ULK4: variants seen among roughly 807,000 people sequenced by gnomAD.
ULK4 encodes the protein inactive serine/threonine-protein kinase ULK4.
ULK4 carries 133 observed loss-of-function variants against 160.6 expected under a neutral mutation model. That is an observed-to-expected ratio of 0.83 (90% CI 0.72 to 0.96). The LOEUF is 0.96. Among genes scored for constraint, ULK4 ranks in the 40% least tolerant of loss-of-function variants. ULK4 has a pLI of 0.00. For missense variants in ULK4, 1,580 were observed against 1,499.5 expected (o/e 1.05, Z -0.89); for synonymous variants, 534 against 539.8 (o/e 0.99, Z 0.15).
At chr3:41,859,854 G>C (rs58425244) in intron 17 of ULK4, among the ~76,000 whole-genome samples, 1 of 100,012 alleles carries the variant, frequency 1.0e-5, no homozygotes, top group South Asian at 3.3e-4. Context: ...TTTTTTAGTA[G>C]AAACAGGGTT....
At chr3:41,678,903 T>C (rs930350292) in intron 29 of ULK4, among the ~76,000 whole-genome samples, 7 of 152,236 alleles carry the variant, frequency 4.6e-5, no homozygotes, top group African/African-American at 1.7e-4. Flanking sequence ...ATTATATTTA[T>C]ATACTCAATG....
chr3:41,449,214 G>A (rs1330120484), intron 34 of ULK4, among the ~76,000 whole-genome samples: 1 of 149,842 alleles, frequency 6.7e-6, no homozygotes, highest in East Asian at 2.1e-4. Flanking sequence ...CACCATGCCC[G>A]GCCCCAAGTT....
At chr3:41,566,453 C>T in intron 31 of ULK4, among the ~76,000 whole-genome samples, 1 of 152,154 alleles carries the variant, frequency 6.6e-6, no homozygotes. Flanking sequence ...GAAGATCATG[C>T]TTGAAGATGA....
chr3:41,491,891 C>A (rs2125907588), intron 32 of ULK4, among the ~76,000 whole-genome samples: 1 of 150,680 alleles, frequency 6.6e-6, no homozygotes, highest in East Asian at 2.0e-4. Context: ...CTCCCCCCAC[C>A]CCACAACAGT....
At chr3:41,674,008 A>G (rs1272166440) in intron 29 of ULK4, among the ~76,000 whole-genome samples, 3 of 152,172 alleles carry the variant, frequency 2.0e-5, no homozygotes, top group Non-Finnish European at 4.4e-5. Context: ...CACTTAATAT[A>G]TATTTATGGA....
chr3:41,277,486 TAAAAAC>T (rs1389538390), intron 35 of ULK4, among the ~76,000 whole-genome samples: 1 of 151,948 alleles, frequency 6.6e-6, no homozygotes, highest in Non-Finnish European at 1.5e-5. Flanking sequence ...ATAACAGAAT[TAAAAAC>T]AAAAATCACA....
intron 20 of ULK4, among the ~76,000 whole-genome samples, chr3:41,799,141 C>T (rs1335466168): frequency 6.6e-6 from 1 of 151,984 alleles, no homozygotes; most frequent in African/African-American, 2.4e-5. Flanking sequence ...GAAACTGCCA[C>T]AGAGAGAAGT....
intron 1 of ULK4, among the ~76,000 whole-genome samples, chr3:41,959,044 A>G (rs1483160807): frequency 6.6e-6 from 1 of 152,060 alleles, no homozygotes; most frequent in Non-Finnish European, 1.5e-5. Flanking sequence ...CCTGGCCAAC[A>G]TGGCGAAACC....
At chr3:41,454,989 A>G (rs2125871132) in intron 34 of ULK4, among the ~76,000 whole-genome samples, 1 of 152,258 alleles carries the variant, frequency 6.6e-6, no homozygotes, top group African/African-American at 2.4e-5. Flanking sequence ...TAATACGTCC[A>G]AACTCTGAAT....
intron 35 of ULK4, among the ~76,000 whole-genome samples, chr3:41,379,378 A>T (rs2081596174): frequency 6.6e-6 from 1 of 152,178 alleles, no homozygotes; most frequent in Non-Finnish European, 1.5e-5. Flanking sequence ...TGCTTCAGGG[A>T]GGGTCATGAT....
chr3:41,417,343 A>T (rs905800566), intron 34 of ULK4, among the ~76,000 whole-genome samples: 2 of 152,186 alleles, frequency 1.3e-5, no homozygotes, highest in African/African-American at 4.8e-5. Context: ...AGGAAGGGGA[A>T]TATGTCTAGA....
At chr3:41,774,412 G>GTAT (rs1187854682) in intron 21 of ULK4, among the ~76,000 whole-genome samples, 1 of 150,670 alleles carries the variant, frequency 6.6e-6, no homozygotes, top group Non-Finnish European at 1.5e-5. Flanking sequence ...AGTGGGCAAA[G>GTAT]GATATGAACA....
intron 17 of ULK4, among the ~76,000 whole-genome samples, chr3:41,847,330 C>T (rs935080614): frequency 6.6e-6 from 1 of 152,168 alleles, no homozygotes; most frequent in African/African-American, 2.4e-5. Context: ...TTTGCTTGCT[C>T]TTGACTCTCA....
At chr3:41,357,376 T>C (rs2081049582) in intron 35 of ULK4, among the ~76,000 whole-genome samples, 1 of 152,134 alleles carries the variant, frequency 6.6e-6, no homozygotes, top group Non-Finnish European at 1.5e-5. Flanking sequence ...TCGATCCAAC[T>C]GTGAGGATGT....
chr3:41,918,469 G>A lies in ULK4; in HGVS notation c.715C>T (p.Pro239Ser), dbSNP rs1405116554. 1 of 1,581,060 alleles carries A rather than the reference G, an allele frequency of 6.3e-7. No homozygotes were observed. Among genetic ancestry groups the A allele is most frequent in the African/African-American group, 1.4e-5 (1 of 73,944 alleles). ...EKILCEDPLP[P>S]IPKDSSRPKA... ...TAAGAAATCTTACCTTTCGGAATAG[G>A]TGGCAAAGGATCTTCACATAAGATC... The change falls in exon 7 of 37, where the codon CCT becomes TCT. Residue 239 changes from proline (P) to serine (S), a missense_variant. Coordinates refer to ENST00000301831, the MANE Select transcript of ULK4 (RefSeq NM_017886.4).
chr3:41,266,600 A>G (rs939761686), intron 35 of ULK4, among the ~76,000 whole-genome samples: 1 of 152,192 alleles, frequency 6.6e-6, no homozygotes, highest in Non-Finnish European at 1.5e-5. Context: ...ATGGCTTATA[A>G]TACAAGGTTA....
chr3:41,338,749 T>C (rs1178585737), intron 35 of ULK4, among the ~76,000 whole-genome samples: 1 of 151,968 alleles, frequency 6.6e-6, no homozygotes, highest in African/African-American at 2.4e-5. Context: ...ATAATACATC[T>C]ATATCACATA....
intron 22 of ULK4, among the ~76,000 whole-genome samples, chr3:41,751,821 A>G (rs1200237643): frequency 2.0e-5 from 3 of 152,230 alleles, no homozygotes; most frequent in African/African-American, 7.2e-5. Flanking sequence ...TCATGCAAGC[A>G]TCTGAAGGAA....
chr3:41,895,055 A>T (rs1420651554), intron 16 of ULK4, among the ~76,000 whole-genome samples: 1 of 152,204 alleles, frequency 6.6e-6, no homozygotes, highest in Non-Finnish European at 1.5e-5. Context: ...AACTTCGAGG[A>T]AGTATAACTA....
Sources: gnomAD v4.1 joint callset for allele counts (sites outside exome capture counted in the v4.1 genomes callset) on GRCh38, gnomAD v4.1.1 for gene constraint, MANE v1.5 for transcripts, NCBI Gene and HGNC (gene_info 2026-07-23, HGNC 2026-07-21) for gene names.